Variants in PELI2 observed in about 807,000 individuals in gnomAD.
The protein encoded by PELI2 is pellino E3 ubiquitin protein ligase family member 2.
A neutral mutation model predicts 42.3 loss-of-function variants in PELI2; 23 were observed. The observed-to-expected ratio is 0.54, with a 90% CI of 0.39 to 0.77. PELI2 has a LOEUF of 0.77. Among genes scored for constraint, PELI2 ranks in the 30% least tolerant of loss-of-function variants. The pLI, the probability that PELI2 is intolerant of heterozygous loss-of-function variation, is 0.00. For synonymous variants in PELI2, 245 were observed against 212.2 expected, an observed-to-expected ratio of 1.15 and a Z score of -1.34; for missense variants, 463 against 553.2, an observed-to-expected ratio of 0.84 and a Z score of 1.64.
intron 2 of PELI2, among the ~76,000 whole-genome samples, chr14:56,203,406 GT>G: frequency 6.6e-6 from 1 of 152,136 alleles, no homozygotes; most frequent in South Asian, 2.1e-4. Flanking sequence ...AAAAAGGTAT[GT>G]TTTTTGCAAA....
At chr14:56,246,894 A>C (rs1033137056) in intron 2 of PELI2, among the ~76,000 whole-genome samples, 3 of 152,208 alleles carry the variant, frequency 2.0e-5, no homozygotes, top group Admixed American at 6.5e-5. Context: ...GAAATATTAC[A>C]TTCTTCTGAA....
intron 2 of PELI2, among the ~76,000 whole-genome samples, chr14:56,229,466 T>C (rs1051851268): frequency 4.6e-5 from 7 of 152,184 alleles, no homozygotes; most frequent in African/African-American, 1.7e-4. Context: ...CCACTGGTGA[T>C]ACCAAGGCAA....
chr14:56,172,032 A>G (rs1397491405), intron 1 of PELI2, among the ~76,000 whole-genome samples: 1 of 152,034 alleles, frequency 6.6e-6, no homozygotes, highest in African/African-American at 2.4e-5. Flanking sequence ...AAGAAAAAGA[A>G]AAAAAGATTG....
intron 2 of PELI2, among the ~76,000 whole-genome samples, chr14:56,225,872 G>A (rs746622480): frequency 7.9e-5 from 12 of 152,120 alleles, no homozygotes; most frequent in Non-Finnish European, 1.5e-4. Context: ...TCCCCATTCT[G>A]GTGTTTGGGG....
At chr14:56,269,965 T>A (rs1889039125) in intron 2 of PELI2, among the ~76,000 whole-genome samples, 1 of 152,214 alleles carries the variant, frequency 6.6e-6, no homozygotes, top group South Asian at 2.1e-4. Flanking sequence ...CAGATCTAGC[T>A]TCTTTGTACT....
intron 2 of PELI2, among the ~76,000 whole-genome samples, chr14:56,250,892 G>T (rs1888321722): frequency 6.6e-6 from 1 of 152,240 alleles, no homozygotes; most frequent in Non-Finnish European, 1.5e-5. Context: ...TACTGAAGAA[G>T]TACTGTCAGG....
intron 2 of PELI2, among the ~76,000 whole-genome samples, chr14:56,213,880 C>G (rs1385687586): frequency 6.6e-6 from 1 of 152,152 alleles, no homozygotes; most frequent in Non-Finnish European, 1.5e-5. Context: ...GAGACAGGGT[C>G]TCACTCTGTC....
chr14:56,208,393 C>G (rs1348746245), intron 2 of PELI2, among the ~76,000 whole-genome samples: 1 of 152,212 alleles, frequency 6.6e-6, no homozygotes, highest in Non-Finnish European at 1.5e-5. Context: ...ACAGCAGAAT[C>G]TGCTCTAAGA....
chr14:56,155,651 G>A (rs531944666), intron 1 of PELI2, among the ~76,000 whole-genome samples: 2 of 150,620 alleles, frequency 1.3e-5, no homozygotes, highest in South Asian at 4.2e-4. Context: ...GCGCGATCTC[G>A]GCTCACTGCA....
intron 2 of PELI2, among the ~76,000 whole-genome samples, chr14:56,237,576 A>C (rs560470773): frequency 2.0e-5 from 3 of 151,304 alleles, no homozygotes; most frequent in Admixed American, 2.0e-4. Flanking sequence ...TCCTTCCTCC[A>C]CCACTAAGCT....
Position 56,297,091 on chromosome 14 carries a change from T to G in PELI2, c.1188T>G (p.Ala396=). The part of the protein sequence containing the change: ...LPHGTHAFHA[A]CPFCATQLVG... ...ATGGAACTCATGCATTTCACGCTGC[T>G]TGCCCTTTCTGTGCTACACAGCTGG... The change falls in exon 6 of 6, where the codon GCT becomes GCG. Residue 396 remains alanine (A), a synonymous_variant. Transcript: ENST00000267460. 6.2e-7 allele frequency: 1 copy of G among 1,610,082 alleles called. No individual in the cohort carries two copies. Among genetic ancestry groups the G allele is most frequent in the Non-Finnish European group, 8.5e-7 (1 of 1,179,986 alleles).
In PELI2 at chr14:56,259,435, C is replaced by G. The variant is rs79047681; in HGVS notation, c.208-20241C>G. On this transcript the variant is annotated intron_variant, in intron 2 of 5. Coordinates refer to ENST00000267460, the MANE Select transcript of PELI2 (RefSeq NM_021255.3). ...GATAAAATGACAGCAGCATCAAGGA[C>G]AAGAGAGAGGAGACCATAAGATTCT... is the stretch of plus-strand genomic sequence containing the variant. Among the ~76,000 whole-genome samples, 772 of 152,150 alleles carry G rather than the reference C, an allele frequency of 5.1e-3. 12 individuals carry two copies. Among genetic ancestry groups the G allele is most frequent in the African/African-American group, 0.018 (742 of 41,518 alleles).
intron 1 of PELI2, among the ~76,000 whole-genome samples, chr14:56,163,635 A>T (rs1884846385): frequency 6.6e-6 from 1 of 150,576 alleles, no homozygotes; most frequent in Admixed American, 6.6e-5. Context: ...TTCAATAGGG[A>T]TTTCATTGAA....
At chr14:56,200,340 A>G (rs1886290273) in intron 2 of PELI2, among the ~76,000 whole-genome samples, 1 of 64,100 alleles carries the variant, frequency 1.6e-5, no homozygotes, top group East Asian at 3.9e-4. Context: ...ACAGTTTCAC[A>G]AGGTAGGGCT....
chr14:56,193,046 A>G (rs148282678), intron 2 of PELI2, among the ~76,000 whole-genome samples: 64 of 152,360 alleles, frequency 4.2e-4, no homozygotes, highest in African/African-American at 1.4e-3. Context: ...CTTTGCCTTC[A>G]GTAACTCTGT....
At chr14:56,155,125 G>T (rs570974907) in intron 1 of PELI2, among the ~76,000 whole-genome samples, 1 of 152,056 alleles carries the variant, frequency 6.6e-6, no homozygotes. Context: ...AAGACACGAG[G>T]CTTTTGTCAT....
intron 2 of PELI2, among the ~76,000 whole-genome samples, chr14:56,189,302 G>A (rs1882431106): frequency 6.6e-6 from 1 of 152,196 alleles, no homozygotes; most frequent in Admixed American, 6.5e-5. Context: ...TAACTTGGGG[G>A]CTGTGTTCCT....
At chr14:56,293,259 A>G (rs1032638918) in intron 5 of PELI2, among the ~76,000 whole-genome samples, 43 of 152,270 alleles carry the variant, frequency 2.8e-4, no homozygotes, top group African/African-American at 9.9e-4. Flanking sequence ...GTAGAGGCCA[A>G]ATGTCTCTTG....
chr14:56,132,184 A>G (rs1288897483), intron 1 of PELI2, among the ~76,000 whole-genome samples: 1 of 152,214 alleles, frequency 6.6e-6, no homozygotes, highest in Non-Finnish European at 1.5e-5. Context: ...ATGCCCAGAC[A>G]CTGAGTGACT....
Sources: gnomAD v4.1 joint callset for allele counts (sites outside exome capture counted in the v4.1 genomes callset) on GRCh38, gnomAD v4.1.1 for gene constraint, MANE v1.5 for transcripts, NCBI Gene and HGNC (gene_info 2026-07-23, HGNC 2026-07-21) for gene names.